Variants in ARL15 observed in about 807,000 individuals in gnomAD.
ARL15 encodes ARF like GTPase 15, also known as ADP-ribosylation factor-like protein 15.
A neutral mutation model predicts 25.2 loss-of-function variants in ARL15; 19 were observed. The ratio of observed to expected loss-of-function variants is 0.75; its 90% CI spans 0.53 to 1.10. ARL15 has a LOEUF of 1.10. Among genes scored for constraint, ARL15 ranks in the 50% least tolerant of loss-of-function variants. The pLI is 0.00. For missense variants in ARL15, 220 were observed against 246.0 expected (o/e 0.89, Z 0.71); for synonymous variants, 94 against 86.8 (o/e 1.08, Z -0.46).
intron 4 of ARL15, among the ~76,000 whole-genome samples, chr5:54,102,414 G>GT (rs1261454845): frequency 6.6e-6 from 1 of 152,098 alleles, no homozygotes. Flanking sequence ...TTTGTGCCAT[G>GT]TTTTGGAAAA....
At chr5:54,058,253 G>A (rs969334288) in intron 4 of ARL15, among the ~76,000 whole-genome samples, 7 of 151,978 alleles carry the variant, frequency 4.6e-5, no homozygotes, top group Admixed American at 1.3e-4. Flanking sequence ...TGATCTGCCC[G>A]CCTCGGCCTC....
intron 4 of ARL15, among the ~76,000 whole-genome samples, chr5:53,907,453 A>G (rs372008678): frequency 1.3e-5 from 1 of 79,174 alleles, no homozygotes; most frequent in Admixed American, 1.5e-4. Context: ...TTGGCTTAAG[A>G]GTTCATATAT....
At chr5:54,105,381 C>T (rs549694275) in intron 4 of ARL15, among the ~76,000 whole-genome samples, 1 of 152,080 alleles carries the variant, frequency 6.6e-6, no homozygotes, top group South Asian at 2.1e-4. Context: ...ACTACAACAA[C>T]ACAAATACAT....
intron 4 of ARL15, among the ~76,000 whole-genome samples, chr5:53,978,831 G>A (rs1043632545): frequency 2.6e-5 from 4 of 152,024 alleles, no homozygotes; most frequent in Non-Finnish European, 4.4e-5. Context: ...ACAACCAATT[G>A]AGGTTAAGTT....
intron 4 of ARL15, among the ~76,000 whole-genome samples, chr5:53,926,288 G>A (rs1049970371): frequency 6.6e-6 from 1 of 152,110 alleles, no homozygotes; most frequent in Admixed American, 6.5e-5. Flanking sequence ...GATCATAGAA[G>A]TCAGGGCCAT....
At chr5:54,176,299 G>A (rs1754869328) in intron 1 of ARL15, among the ~76,000 whole-genome samples, 2 of 152,170 alleles carry the variant, frequency 1.3e-5, no homozygotes, top group African/African-American at 4.8e-5. Flanking sequence ...ATGGGTAACA[G>A]GAATAGTGTC....
chr5:53,923,353 G>A (rs1333695061), intron 4 of ARL15, among the ~76,000 whole-genome samples: 3 of 152,254 alleles, frequency 2.0e-5, no homozygotes, highest in East Asian at 1.9e-4. Context: ...AAAATATGAC[G>A]CAGTTGCTTC....
intron 1 of ARL15, among the ~76,000 whole-genome samples, chr5:54,198,629 G>A (rs1324922249): frequency 2.0e-5 from 3 of 148,844 alleles, no homozygotes. Flanking sequence ...ACAAACCACT[G>A]CTCAATGAAA....
rs186224907 is a variant in ARL15, at chr5:54,136,053, A to G, written c.253+18527T>C. Among the ~76,000 whole-genome samples, 249 of 152,300 alleles carry G rather than the reference A, an allele frequency of 1.6e-3. 2 individuals carry two copies. The highest frequency in any genetic ancestry group is 8.1e-3 in the Admixed American group (124 of 15,298). ...GACAGCAGAAGGCAAGGGAGATCAGAAACATCACCTTGTTATTCAGGTAAA... is the reference window on the plus strand; with the variant it reads ...GACAGCAGAAGGCAAGGGAGATCAGGAACATCACCTTGTTATTCAGGTAAA... On this transcript the variant is annotated intron_variant, in intron 3 of 4. Coordinates refer to ENST00000504924, the MANE Select transcript of ARL15 (RefSeq NM_019087.3).
chr5:54,188,837 A>G lies in ARL15; in HGVS notation c.49-16909T>C, dbSNP rs182210206. Among the ~76,000 whole-genome samples, 435 of 152,268 alleles carry G rather than the reference A, an allele frequency of 2.9e-3. 1 individual carries two copies. The highest frequency in any genetic ancestry group is 4.7e-3 in the Non-Finnish European group (323 of 68,000). On this transcript the variant is annotated intron_variant, in intron 1 of 4. Coordinates refer to ENST00000504924, the MANE Select transcript of ARL15 (RefSeq NM_019087.3). ...AGGGCTTCCAAAGCAAATACATAACAAGGCCCACAGCTCTCTTTTTAATCC... is the reference window on the plus strand; with the variant it reads ...AGGGCTTCCAAAGCAAATACATAACGAGGCCCACAGCTCTCTTTTTAATCC...
At chr5:53,896,776 T>C (rs2111919936) in intron 4 of ARL15, among the ~76,000 whole-genome samples, 1 of 152,182 alleles carries the variant, frequency 6.6e-6, no homozygotes, top group East Asian at 1.9e-4. Flanking sequence ...GATTACAGGT[T>C]GTGAGCCACC....
At position 54,090,594 on chromosome 5, in the gene ARL15, A is replaced by G. The variant is rs932425674; in HGVS notation, c.462+22608T>C. Among the ~76,000 whole-genome samples, 3 of 151,912 alleles carry G rather than the reference A, an allele frequency of 2.0e-5. No individual in the cohort carries two copies. In the South Asian group the frequency reaches 6.2e-4, roughly 31 times the overall value. On this transcript the variant is annotated intron_variant, in intron 4 of 4. Coordinates refer to ENST00000504924, the MANE Select transcript of ARL15 (RefSeq NM_019087.3). ...AGACATTGCCATTTGCTCTAATACT[A>G]CTCTTTAAACTACATACACATGTTC... is the stretch of plus-strand genomic sequence containing the variant.
At chr5:54,257,129 T>C (rs1049397216) in intron 1 of ARL15, among the ~76,000 whole-genome samples, 10 of 152,116 alleles carry the variant, frequency 6.6e-5, no homozygotes, top group East Asian at 5.8e-4. Context: ...GGAACCCAAG[T>C]TGGAAAAGAC....
chr5:53,939,123 ATTAATTGATTAGATT>A (rs923654756), intron 4 of ARL15, among the ~76,000 whole-genome samples: 2 of 152,206 alleles, frequency 1.3e-5, no homozygotes, highest in Admixed American at 1.3e-4. Flanking sequence ...TTCAAGCATC[ATTAATTGATTAGATT>A]TACAAAGAGC....
intron 4 of ARL15, among the ~76,000 whole-genome samples, chr5:54,088,232 CA>C (rs1752033057): frequency 6.6e-6 from 1 of 152,010 alleles, no homozygotes; most frequent in Admixed American, 6.6e-5. Context: ...GGGGAATTGT[CA>C]GGACAAAGAT....
At chr5:54,114,522 C>T (rs1752843272) in intron 3 of ARL15, among the ~76,000 whole-genome samples, 1 of 150,990 alleles carries the variant, frequency 6.6e-6, no homozygotes, top group Non-Finnish European at 1.5e-5. Flanking sequence ...AAGTTCAGTA[C>T]TGGAATAATG....
intron 4 of ARL15, among the ~76,000 whole-genome samples, chr5:54,108,865 C>T (rs1752659397): frequency 6.6e-6 from 1 of 151,860 alleles, no homozygotes; most frequent in Non-Finnish European, 1.5e-5. Context: ...CACCCTCTTC[C>T]AGAAGATGTC....
intron 1 of ARL15, among the ~76,000 whole-genome samples, chr5:54,242,038 C>G (rs549109550): frequency 6.6e-6 from 1 of 152,238 alleles, no homozygotes; most frequent in Admixed American, 6.5e-5. Flanking sequence ...TGCACACAGC[C>G]TGGGTAAACA....
chr5:54,111,564 C>T (rs1038337818), intron 4 of ARL15, among the ~76,000 whole-genome samples: 4 of 151,994 alleles, frequency 2.6e-5, no homozygotes, highest in African/African-American at 9.7e-5. Context: ...AACAGATACA[C>T]AGGTTCATAA....
Sources: gnomAD v4.1 joint callset for allele counts (sites outside exome capture counted in the v4.1 genomes callset) on GRCh38, gnomAD v4.1.1 for gene constraint, MANE v1.5 for transcripts, NCBI Gene and HGNC (gene_info 2026-07-23, HGNC 2026-07-21) for gene names.